Variants in RUBCN observed in about 807,000 individuals in gnomAD.
RUBCN encodes rubicon autophagy regulator.
In RUBCN, 74 loss-of-function variants were observed where a neutral mutation model predicts 113.2. The ratio of observed to expected loss-of-function variants is 0.65; its 90% CI spans 0.54 to 0.79. The LOEUF is 0.79. Ranked by LOEUF, RUBCN falls within the 30% of genes least tolerant of loss-of-function variation. The pLI is 0.00. For missense variants in RUBCN, 1,109 were observed against 1,251.7 expected (o/e 0.89, Z 1.72); for synonymous variants, 480 against 490.0 (o/e 0.98, Z 0.27).
Position 197,683,584 on chromosome 3 carries a change from A to C in RUBCN, c.1848-145T>G. On this transcript the variant is annotated intron_variant, in intron 12 of 19. Transcript: ENST00000296343. This position sits in a 1 kb window ranked among gnomAD's most constrained non-coding sequence, Gnocchi z 4.6. The stretch of plus-strand genomic sequence containing the variant: ...CCTGGCCTGCTCATCACCCTCACAC[A>C]TGGGACAGTCAAAGTCCACTAGTCT... 1.1e-6 allele frequency: 1 copy of C among 887,638 alleles called. No homozygotes were observed. The highest frequency in any genetic ancestry group is 1.8e-6 in the Non-Finnish European group (1 of 552,056). 55.0% of individuals were successfully genotyped at this position (887,638 alleles called of 1,614,324 possible).
chr3:197,680,677 C>T (rs535754437), intron 16 of RUBCN, among the ~76,000 whole-genome samples: 14 of 152,316 alleles, frequency 9.2e-5, no homozygotes, highest in Admixed American at 2.0e-4. Context: ...TCTGTCTGCC[C>T]GAGTCACATA....
At chr3:197,734,073 T>C (rs557534927) in intron 1 of RUBCN, among the ~76,000 whole-genome samples, 174 of 152,026 alleles carry the variant, frequency 1.1e-3, no homozygotes, top group Non-Finnish European at 1.8e-3. Context: ...CTGGCCAACA[T>C]GGCGAAACCC....
At chr3:197,684,689 C>A (rs1580181523) in intron 11 of RUBCN, among the ~76,000 whole-genome samples, 1 of 151,100 alleles carries the variant, frequency 6.6e-6, no homozygotes, top group East Asian at 1.9e-4. Context: ...CATATATACA[C>A]ATATATATAC....
intron 11 of RUBCN, among the ~76,000 whole-genome samples, chr3:197,689,692 A>T (rs1335329739): frequency 6.6e-6 from 1 of 152,240 alleles, no homozygotes; most frequent in Non-Finnish European, 1.5e-5. Context: ...TTAAGTTGAT[A>T]CCATAATATT....
chr3:197,736,729 T>C lies in RUBCN; in HGVS notation c.-10A>G. The C allele has an allele frequency of 6.5e-7, 1 of 1,528,450 alleles. No individual in the cohort carries two copies. The highest frequency in any genetic ancestry group is 8.7e-7 in the Non-Finnish European group (1 of 1,144,578). 94.7% of individuals were successfully genotyped at this position (1,528,450 alleles called of 1,614,324 possible). On this transcript the variant is annotated 5_prime_UTR_variant, in exon 1 of 20. Coordinates refer to ENST00000296343, the MANE Select transcript of RUBCN (RefSeq NM_014687.4). ...CGCCCTCCGGCCGCATCCGGGGCGG[T>C]GAGGCCGCCTCTTCGCCCAAGAGAG...
chr3:197,705,100 C>A lies in RUBCN; in HGVS notation c.295G>T (p.Val99Leu). 6.2e-7 allele frequency: 1 copy of A among 1,613,286 alleles called. No individual in the cohort carries two copies. The highest frequency in any genetic ancestry group is 8.5e-7 in the Non-Finnish European group (1 of 1,179,332). ...RWLSPHSALH[V>L]EKFISVHEND... ...TCTGCTCTCACTCTTACCTTCTCCA[C>A]GTGAAGGGCTGAGTGGGGACTGAGC... The change falls in exon 3 of 20, where the codon GTG becomes TTG. Residue 99 changes from valine to leucine, a missense_variant. Val to Leu is a conservative substitution (Grantham distance 32). Around this residue, in one of 3 missense-constraint regions of RUBCN, gnomAD observed 736 missense variants for 779.6 expected, o/e 0.94. Coordinates refer to ENST00000296343, the MANE Select transcript of RUBCN (RefSeq NM_014687.4).
rs1560456051 is a variant in RUBCN at position 197,717,453 on chromosome 3, A to AG, written c.219+523_219+524insC. On this transcript the variant is annotated intron_variant, in intron 2 of 19. Transcript: ENST00000296343. ...AGCGAGACTCCGTCTCAAAAAAAAAAAGGGGGGGGCAGAGAGAGATTTGAA... is the reference window on the plus strand; with the variant it reads ...AGCGAGACTCCGTCTCAAAAAAAAAAGAGGGGGGGGCAGAGAGAGATTTGAA... Among the ~76,000 whole-genome samples, 980 of 151,582 alleles carry AG rather than the reference A, an allele frequency of 6.5e-3. 9 individuals carry two copies. The highest frequency in any genetic ancestry group is 0.023 in the African/African-American group (926 of 41,142).
intron 5 of RUBCN, among the ~76,000 whole-genome samples, chr3:197,702,884 T>C (rs1177648167): frequency 4.6e-5 from 7 of 152,088 alleles, no homozygotes; most frequent in African/African-American, 7.2e-5. Flanking sequence ...CCGTGTAACA[T>C]TAAGCTATGC....
intron 11 of RUBCN, among the ~76,000 whole-genome samples, chr3:197,687,419 AC>A (rs1300177998): frequency 1.3e-5 from 2 of 152,268 alleles, no homozygotes; most frequent in Non-Finnish European, 2.9e-5. Flanking sequence ...TTGTCTTTCA[AC>A]TCCAAATCTG....
At chr3:197,732,426 G>A (rs867440834) in intron 1 of RUBCN, among the ~76,000 whole-genome samples, 2 of 152,176 alleles carry the variant, frequency 1.3e-5, no homozygotes, top group African/African-American at 4.8e-5. Flanking sequence ...CCATTCTCCT[G>A]CCTCAACCTC....
intron 1 of RUBCN, among the ~76,000 whole-genome samples, chr3:197,732,127 C>G (rs1288379358): frequency 6.6e-6 from 1 of 152,196 alleles, no homozygotes; most frequent in Non-Finnish European, 1.5e-5. Flanking sequence ...GGATCTTACT[C>G]CTTGAATTCT....
intron 11 of RUBCN, among the ~76,000 whole-genome samples, chr3:197,693,061 GTGTT>G (rs891488221): frequency 1.3e-5 from 2 of 151,814 alleles, no homozygotes; most frequent in Non-Finnish European, 2.9e-5. Context: ...TTTTGTTTGT[GTGTT>G]TGTTTTGCTG....
In RUBCN at chr3:197,681,980, A is replaced by C. The variant is rs1198079148; in HGVS notation, c.2127-81T>G. 4.8e-6 allele frequency: 5 copies of C among 1,031,290 alleles called. No homozygotes were observed. The East Asian group carries it at 1.2e-4, about 25-fold the overall frequency. The allele number at this position is 1,031,290 out of a possible 1,614,324, so 63.9% of individuals were successfully genotyped here. ...GGTGTGAAGGAGTGAGCACACATAC[A>C]TACAGCTCCAGTTAAGTATGGGAAG... On this transcript the variant is annotated intron_variant, in intron 14 of 19. Coordinates refer to ENST00000296343, the MANE Select transcript of RUBCN (RefSeq NM_014687.4). This position sits in a 1 kb window ranked among gnomAD's most constrained non-coding sequence, Gnocchi z 5.5.
chr3:197,739,343 A>G (rs952859118), upstream of RUBCN, among the ~76,000 whole-genome samples: 1 of 146,370 alleles, frequency 6.8e-6, no homozygotes, highest in African/African-American at 2.5e-5. Flanking sequence ...GTGAGCCGAG[A>G]TCGTGCTACT....
chr3:197,716,537 A>G (rs1414317256), intron 2 of RUBCN, among the ~76,000 whole-genome samples: 3 of 152,230 alleles, frequency 2.0e-5, no homozygotes, highest in Non-Finnish European at 4.4e-5. Context: ...AAAAACCAGC[A>G]TGGTTTTAAA....
In RUBCN at chr3:197,719,491, A is replaced by AG. The variant is rs200614273; in HGVS notation, c.66-1362_66-1361insC. ...GAGATTGTCTCAAAAAAAAAAAAAAAAAAAAAAGAACATGATAAATCCCAA... is the reference window on the plus strand; with the variant it reads ...GAGATTGTCTCAAAAAAAAAAAAAAAGAAAAAAAGAACATGATAAATCCCAA... On this transcript the variant is annotated intron_variant, in intron 1 of 19. Transcript: ENST00000296343. Among the ~76,000 whole-genome samples the AG allele has an allele frequency of 9.7e-3, 1,475 of 151,452 alleles. 18 individuals are homozygous for AG. Among genetic ancestry groups the AG allele is most frequent in the African/African-American group, 0.034 (1,406 of 41,240 alleles).
chr3:197,744,216 C>T (rs1413455063), intron 1 of RUBCN, among the ~76,000 whole-genome samples: 3 of 152,016 alleles, frequency 2.0e-5, no homozygotes, highest in Non-Finnish European at 4.4e-5. Flanking sequence ...CAGTGTCACT[C>T]ATGAAAAGAC....
At chr3:197,736,934 C>A (rs1728220482), upstream of RUBCN, 2 of 1,343,046 alleles carry the variant, frequency 1.5e-6, no homozygotes, top group Non-Finnish European at 9.5e-7. Context: ...GACTACAGCC[C>A]CCGGCGAGCA....
At position 197,708,487 on chromosome 3, in the gene RUBCN, TAC is replaced by T. The variant is rs1346860608; in HGVS notation, c.220-3314_220-3313del. On this transcript the variant is annotated intron_variant, in intron 2 of 19. Coordinates refer to ENST00000296343, the MANE Select transcript of RUBCN (RefSeq NM_014687.4). ...CAGTAGAGTACTGGTTAAATTAGGGTACACTTGTAATATATACACATTAAAAG... is the reference window on the plus strand; with the variant it reads ...CAGTAGAGTACTGGTTAAATTAGGGTACTTGTAATATATACACATTAAAAG... 3.6e-5 allele frequency among the ~76,000 whole-genome samples: 5 copies of T among 138,238 alleles called. No homozygotes were observed. The East Asian group carries it at 1.1e-3, about 29-fold the overall frequency. 90.7% of individuals were successfully genotyped at this position (138,238 alleles called of 152,430 possible).
Sources: allele counts gnomAD v4.1 joint callset (sites outside exome capture counted in the v4.1 genomes callset), GRCh38; gene constraint gnomAD v4.1.1; regional missense constraint gnomAD v4.1.1; non-coding constraint Gnocchi (gnomAD v3.1); transcripts MANE v1.5; gene names NCBI Gene and HGNC (gene_info 2026-07-23, HGNC 2026-07-21).